The following ZNF804B variants were observed in gnomAD, a reference collection of about 807,000 sequenced individuals.
ZNF804B encodes zinc finger 804B.
In ZNF804B, 80 loss-of-function variants were observed where a neutral mutation model predicts 101.4. That is an observed-to-expected ratio of 0.79 (90% CI 0.66 to 0.95). ZNF804B has a LOEUF of 0.95. ZNF804B is among the 40% of genes least tolerant of loss of function. The probability of loss-of-function intolerance (pLI) is 0.00; values close to 1 mark genes in which losing one functional copy is unlikely to be tolerated. For missense variants in ZNF804B, 1,673 were observed against 1,561.9 expected (o/e 1.07, Z -1.20); for synonymous variants, 622 against 558.8 (o/e 1.11, Z -1.59).
chr7:88,878,600 A>T (rs1791985262), intron 1 of ZNF804B, among the ~76,000 whole-genome samples: 1 of 152,110 alleles, frequency 6.6e-6, no homozygotes, highest in Non-Finnish European at 1.5e-5. Flanking sequence ...TTTCTTTTGC[A>T]TTTTTTTAAT....
At chr7:89,031,211 G>GTGTA (rs1554357122) in intron 1 of ZNF804B, among the ~76,000 whole-genome samples, 21 of 147,224 alleles carry the variant, frequency 1.4e-4, no homozygotes, top group East Asian at 4.0e-4. Context: ...GTGTGTGTGT[G>GTGTA]TATATATATA....
chr7:88,985,644 G>A (rs1584054922), intron 1 of ZNF804B, among the ~76,000 whole-genome samples: 1 of 152,058 alleles, frequency 6.6e-6, no homozygotes, highest in Non-Finnish European at 1.5e-5. Flanking sequence ...AGAGGAAAAA[G>A]CCACAAACAT....
chr7:88,848,581 G>T (rs1246057743), intron 1 of ZNF804B, among the ~76,000 whole-genome samples: 1 of 148,338 alleles, frequency 6.7e-6, no homozygotes, highest in Non-Finnish European at 1.5e-5. Context: ...TGATTGTAAA[G>T]TATATTTAGA....
At position 89,059,305 on chromosome 7, in the gene ZNF804B, T is replaced by C. The variant is rs575371992; in HGVS notation, c.109-158850T>C. Among the ~76,000 whole-genome samples, 55 of 152,300 alleles carry C rather than the reference T, an allele frequency of 3.6e-4. No individual in the cohort carries two copies. The South Asian group carries it at 5.6e-3, about 15-fold the overall frequency. On this transcript the variant is annotated intron_variant, in intron 1 of 3. Transcript: ENST00000333190. ...TGGGTAATATATAAAGAAAAGAGAT[T>C]TAATTGGCTCACATTCTGCAGGCTG...
intron 1 of ZNF804B, among the ~76,000 whole-genome samples, chr7:88,926,432 C>CAAA (rs34926325): frequency 0.034 from 4,614 of 134,966 alleles, 179 homozygotes; most frequent in East Asian, 0.18. Flanking sequence ...ATTAAAAATA[C>CAAA]AAAAAAAAAA....
At chr7:89,023,158 A>G (rs1788694159) in intron 1 of ZNF804B, among the ~76,000 whole-genome samples, 1 of 152,318 alleles carries the variant, frequency 6.6e-6, no homozygotes, top group Non-Finnish European at 1.5e-5. Flanking sequence ...ATATTTGAAT[A>G]GATGGGTGGT....
intron 2 of ZNF804B, among the ~76,000 whole-genome samples, chr7:89,230,509 A>T (rs990697486): frequency 6.6e-6 from 1 of 152,184 alleles, no homozygotes; most frequent in Non-Finnish European, 1.5e-5. Flanking sequence ...ATCCAGTTTC[A>T]AAAAGTACTA....
chr7:88,766,680 G>A (rs1398835351), intron 1 of ZNF804B, among the ~76,000 whole-genome samples: 2 of 152,114 alleles, frequency 1.3e-5, no homozygotes, highest in African/African-American at 4.8e-5. Context: ...AATGACTCTC[G>A]TTATTTTTAC....
At chr7:89,007,258 C>T (rs1034019541) in intron 1 of ZNF804B, among the ~76,000 whole-genome samples, 3 of 151,496 alleles carry the variant, frequency 2.0e-5, no homozygotes, top group African/African-American at 7.3e-5. Flanking sequence ...CTCTTAATTA[C>T]ATTTTACAAA....
Position 88,823,136 on chromosome 7 carries a change from G to A in ZNF804B, c.108+63052G>A, listed in dbSNP as rs1386328060. 3.3e-5 allele frequency among the ~76,000 whole-genome samples: 5 copies of A among 152,108 alleles called. No individual in the cohort carries two copies. The East Asian group carries it at 7.7e-4, about 23-fold the overall frequency. Reference sequence around the variant, plus strand: ...GAGGCAGGAGAATTGCTTAAACCTGGGAGGCAGAGGTTGCAATGAGCCAAG... The same window carrying A: ...GAGGCAGGAGAATTGCTTAAACCTGAGAGGCAGAGGTTGCAATGAGCCAAG... On this transcript the variant is annotated intron_variant, in intron 1 of 3. Transcript: ENST00000333190.
chr7:88,882,755 GA>G (rs1792063379), intron 1 of ZNF804B, among the ~76,000 whole-genome samples: 1 of 152,058 alleles, frequency 6.6e-6, no homozygotes, highest in Non-Finnish European at 1.5e-5. Flanking sequence ...TGCAGGAATG[GA>G]AAAACAAATA....
intron 2 of ZNF804B, among the ~76,000 whole-genome samples, chr7:89,325,978 A>C (rs1790889332): frequency 6.6e-6 from 1 of 151,990 alleles, no homozygotes; most frequent in Non-Finnish European, 1.5e-5. Flanking sequence ...GTAGCAGGGT[A>C]CGTAGCAATA....
chr7:88,984,234 T>G (rs559309885), intron 1 of ZNF804B, among the ~76,000 whole-genome samples: 2 of 152,188 alleles, frequency 1.3e-5, no homozygotes, highest in African/African-American at 4.8e-5. Flanking sequence ...TGCACCTTTG[T>G]AGGAGTTTCA....
At chr7:89,281,234 A>G (rs1366189921) in intron 2 of ZNF804B, among the ~76,000 whole-genome samples, 1 of 152,186 alleles carries the variant, frequency 6.6e-6, no homozygotes, top group Admixed American at 6.5e-5. Flanking sequence ...TAAAATATTA[A>G]TTAATAATCT....
At chr7:89,016,835 C>T (rs183291891) in intron 1 of ZNF804B, among the ~76,000 whole-genome samples, 18 of 152,206 alleles carry the variant, frequency 1.2e-4, no homozygotes, top group East Asian at 1.2e-3. Context: ...TTTTTGGTTC[C>T]GTATGAACTT....
intron 1 of ZNF804B, among the ~76,000 whole-genome samples, chr7:88,777,788 C>T (rs1255396247): frequency 7.0e-6 from 1 of 143,390 alleles, no homozygotes; most frequent in Non-Finnish European, 1.5e-5. Flanking sequence ...GCAGAGGTTG[C>T]AGTGAGCCGA....
intron 1 of ZNF804B, among the ~76,000 whole-genome samples, chr7:88,962,800 GAGAA>G (rs963050346): frequency 6.8e-5 from 10 of 146,542 alleles, no homozygotes; most frequent in African/African-American, 2.2e-4. Flanking sequence ...CTTAAAAAGA[GAGAA>G]AGCATTTCAT....
In ZNF804B at chr7:88,794,562, T is replaced by C. The variant is rs780646965; in HGVS notation, c.108+34478T>C. The C allele has an allele frequency of 2.7e-5, 43 of 1,613,494 alleles. No individual in the cohort carries two copies. In the East Asian group the frequency reaches 8.7e-4, roughly 33 times the overall value. ...GAGAAATGACTATAATTTTCATTTG[T>C]TGAATAAAAAATACTGTTTCATCTT... On this transcript the variant is annotated intron_variant, in intron 1 of 3. Coordinates refer to ENST00000333190, the MANE Select transcript of ZNF804B (RefSeq NM_181646.5).
At chr7:88,854,468 TTTCTTTCTCTTTCCTTTCCTTTCCTTTC>T (rs1791512011) in intron 1 of ZNF804B, among the ~76,000 whole-genome samples, 1 of 103,668 alleles carries the variant, frequency 9.6e-6, no homozygotes, top group African/African-American at 4.0e-5. Context: ...TCTTTCTTTC[TTTCTTTCTCTTTCCTTTCCTTTCCTTTC>T]CTTTCCTTTC....
Sources: allele counts gnomAD v4.1 joint callset (sites outside exome capture counted in the v4.1 genomes callset), GRCh38; gene constraint gnomAD v4.1.1; transcripts MANE v1.5; gene names NCBI Gene and HGNC (gene_info 2026-07-23, HGNC 2026-07-21).